The following AGGF1 variants were observed in gnomAD, a reference collection of about 807,000 sequenced individuals.
AGGF1 encodes angiogenic factor with G patch and FHA domains 1.
AGGF1 carries 56 observed loss-of-function variants against 86.5 expected under a neutral mutation model. The ratio of observed to expected loss-of-function variants is 0.65; its 90% CI spans 0.52 to 0.81. The LOEUF (loss-of-function observed/expected upper bound fraction) is 0.81, where lower values mean the gene tolerates loss of function less well. Among genes scored for constraint, AGGF1 ranks in the 30% least tolerant of loss-of-function variants. The probability of loss-of-function intolerance (pLI) is 0.00; values close to 1 mark genes in which losing one functional copy is unlikely to be tolerated. For missense variants in AGGF1, 816 were observed against 850.9 expected (o/e 0.96, Z 0.51); for synonymous variants, 313 against 297.1 (o/e 1.05, Z -0.55).
intron 11 of AGGF1, among the ~76,000 whole-genome samples, chr5:77,059,016 G>A (rs1747504753): frequency 6.6e-6 from 1 of 152,134 alleles, no homozygotes; most frequent in Non-Finnish European, 1.5e-5. Flanking sequence ...CAGGGTAAAT[G>A]GGTTTTTTAA....
intron 4 of AGGF1, among the ~76,000 whole-genome samples, chr5:77,038,466 T>G (rs1747004429): frequency 6.6e-6 from 1 of 152,162 alleles, no homozygotes; most frequent in Admixed American, 6.5e-5. Context: ...TTAATAAATT[T>G]TTTTTATATT....
At chr5:77,039,128 A>G (rs1453834170) in intron 4 of AGGF1, among the ~76,000 whole-genome samples, 3 of 152,152 alleles carry the variant, frequency 2.0e-5, no homozygotes, top group East Asian at 1.9e-4. Flanking sequence ...GTCATTAAGA[A>G]TCAGGAGTCT....
At position 77,030,923 on chromosome 5, in the gene AGGF1, A is replaced by T. The variant is rs369800269; in HGVS notation, c.157A>T (p.Thr53Ser). The change falls in exon 1 of 14, where the codon ACA (threonine) becomes TCA (serine). Residue 53 changes from threonine to serine, a missense_variant. This residue lies in a region of AGGF1 where 240 missense variants were observed against 234.4 expected (regional missense o/e 1.02). Coordinates refer to ENST00000312916, the MANE Select transcript of AGGF1 (RefSeq NM_018046.5). Reference protein sequence around the residue: ...VREIEKLLHHTERLYQNAESN... With the variant: ...VREIEKLLHHSERLYQNAESN... ...GGAGATCGAGAAGCTGCTGCATCAC[A>T]CAGAACGGCTGTACCAGAACGCAGA... 6.2e-7 allele frequency: 1 copy of T among 1,613,316 alleles called. No individual in the cohort carries two copies. The highest frequency in any genetic ancestry group is 1.1e-5 in the South Asian group (1 of 91,082).
At chr5:77,057,846 C>T (rs997149002) in intron 11 of AGGF1, among the ~76,000 whole-genome samples, 1 of 152,198 alleles carries the variant, frequency 6.6e-6, no homozygotes, top group Non-Finnish European at 1.5e-5. Context: ...GGAACAGAGC[C>T]TGGACTGTTT....
chr5:77,062,261 A>T (rs1440594852), intron 13 of AGGF1, among the ~76,000 whole-genome samples: 1 of 152,186 alleles, frequency 6.6e-6, no homozygotes, highest in East Asian at 1.9e-4. Flanking sequence ...GGTTCGTAGG[A>T]GGTTTAGGTT....
chr5:77,043,837 G>A (rs1480801114), intron 5 of AGGF1, among the ~76,000 whole-genome samples: 1 of 125,646 alleles, frequency 8.0e-6, no homozygotes. Context: ...GTGGTTGCCA[G>A]GCAGAGGGTC....
rs762504873 is a variant in AGGF1, at chr5:77,059,615, G to GAAT, written c.1718_1720dup (p.Asn573dup). The GAAT allele has an allele frequency of 1.2e-6, 2 of 1,601,036 alleles. No individual in the cohort carries two copies. Among genetic ancestry groups the GAAT allele is most frequent in the Admixed American group, 3.3e-5 (2 of 59,964 alleles). Reference sequence around the variant, plus strand: ...TGAATGAATATTTTGTGTTTATTAAGAATACAGAATACGAAGATGAAAAGA... The same window carrying GAAT: ...TGAATGAATATTTTGTGTTTATTAAGAATAATACAGAATACGAAGATGAAAAGA... On this transcript the variant is annotated inframe_insertion and splice_region_variant. Transcript: ENST00000312916.
At chr5:77,046,976 G>T (rs1747267462) in intron 6 of AGGF1, among the ~76,000 whole-genome samples, 1 of 152,166 alleles carries the variant, frequency 6.6e-6, no homozygotes, top group African/African-American at 2.4e-5. Context: ...GTTTTAGTGG[G>T]TTAGATATTT....
Position 77,063,743 on chromosome 5 carries a change from A to G in AGGF1, c.*491A>G, listed in dbSNP as rs1407102665. 2 of 163,642 alleles carry G rather than the reference A, an allele frequency of 1.2e-5. No homozygotes were observed. Among genetic ancestry groups the G allele is most frequent in the Non-Finnish European group, 2.7e-5 (2 of 74,838 alleles). 10.1% of individuals were successfully genotyped at this position (163,642 alleles called of 1,614,324 possible). A position where few individuals can be genotyped will look rare whatever the true frequency, so the allele number is the denominator to read the frequency against. ...TGGGTAGTGGCGCATACATTTTGTT[A>G]TCCTTGAAATAGCCTAAGTAATGTT... is the stretch of plus-strand genomic sequence containing the variant. On this transcript the variant is annotated 3_prime_UTR_variant, in exon 14 of 14. Transcript: ENST00000312916.
rs376750442 is a variant in AGGF1 at position 77,034,643 on chromosome 5, G to A, written c.313+123G>A. The A allele has an allele frequency of 1.4e-3, 1,060 of 736,986 alleles. 7 individuals are homozygous for A. The highest frequency in any genetic ancestry group is 0.013 in the African/African-American group (738 of 57,128). The allele number at this position is 736,986 out of a possible 1,614,324, so 45.7% of individuals were successfully genotyped here. A position where few individuals can be genotyped will look rare whatever the true frequency, so the allele number is the denominator to read the frequency against. On this transcript the variant is annotated intron_variant, in intron 2 of 13. Coordinates refer to ENST00000312916, the MANE Select transcript of AGGF1 (RefSeq NM_018046.5). Reference sequence around the variant, plus strand: ...AATGAGAATTGTTAATACTGTTGACGTCTCTCCATATGATAATGGTATTTT... The same window carrying A: ...AATGAGAATTGTTAATACTGTTGACATCTCTCCATATGATAATGGTATTTT...
chr5:77,037,690 C>T (rs573440654), intron 4 of AGGF1, among the ~76,000 whole-genome samples: 2 of 152,130 alleles, frequency 1.3e-5, no homozygotes, highest in South Asian at 2.1e-4. Flanking sequence ...GTGGGAGCGT[C>T]GCTTGAGCTG....
Position 77,042,243 on chromosome 5 carries a change from T to C in AGGF1, c.870+2524T>C, listed in dbSNP as rs1464461791. On this transcript the variant is annotated intron_variant, in intron 5 of 13. Coordinates refer to ENST00000312916, the MANE Select transcript of AGGF1 (RefSeq NM_018046.5). ...ACAGACACGGCAACCATCCGATTTC[T>C]CAATCTTTTCCCCACCTTTCCCGCC... 5.3e-5 allele frequency among the ~76,000 whole-genome samples: 8 copies of C among 151,216 alleles called. No homozygotes were observed. In the East Asian group the frequency reaches 1.6e-3, roughly 30 times the overall value.
chr5:77,043,846 T>G (rs1248274179), intron 5 of AGGF1, among the ~76,000 whole-genome samples: 2 of 105,874 alleles, frequency 1.9e-5, no homozygotes, highest in Non-Finnish European at 2.0e-5. Flanking sequence ...AGGCAGAGGG[T>G]CTCCTCACTT....
At chr5:77,058,471 C>T (rs776521692) in intron 11 of AGGF1, among the ~76,000 whole-genome samples, 1 of 151,966 alleles carries the variant, frequency 6.6e-6, no homozygotes, top group Non-Finnish European at 1.5e-5. Flanking sequence ...TGCTGTTTTA[C>T]TTAGGTAGAG....
At chr5:77,038,096 T>G in intron 4 of AGGF1, among the ~76,000 whole-genome samples, 1 of 152,180 alleles carries the variant, frequency 6.6e-6, no homozygotes, top group East Asian at 1.9e-4. Flanking sequence ...CTAGAGAACA[T>G]AAGATAATAC....
chr5:77,041,288 C>T lies in AGGF1; in HGVS notation c.870+1569C>T, dbSNP rs1057281282. Among the ~76,000 whole-genome samples, 24 of 152,102 alleles carry T rather than the reference C, an allele frequency of 1.6e-4. No homozygotes were observed. The East Asian group carries it at 3.5e-3, about 22-fold the overall frequency. On this transcript the variant is annotated intron_variant, in intron 5 of 13. Coordinates refer to ENST00000312916, the MANE Select transcript of AGGF1 (RefSeq NM_018046.5). Reference sequence around the variant, plus strand: ...TTGTTTGAAAGGCTAGGTTGTAGGTCGGGTGTGATGGCTTATGCCTGTAAT... The same window carrying T: ...TTGTTTGAAAGGCTAGGTTGTAGGTTGGGTGTGATGGCTTATGCCTGTAAT...
intron 5 of AGGF1, among the ~76,000 whole-genome samples, chr5:77,044,403 A>G (rs945025404): frequency 1.3e-5 from 2 of 152,154 alleles, no homozygotes; most frequent in East Asian, 3.8e-4. Context: ...TGTTTTCTTT[A>G]TTTTTAAAGA....
chr5:77,053,807 G>T (rs1446977272), intron 9 of AGGF1, among the ~76,000 whole-genome samples, 158 bp from the exon 10 acceptor site: 1 of 152,016 alleles, frequency 6.6e-6, no homozygotes, highest in Non-Finnish European at 1.5e-5. Context: ...TCATTAAGTT[G>T]GGGAAGTGTG....
In AGGF1 at chr5:77,046,415, C is replaced by A. The variant is rs139798328; in HGVS notation, c.939C>A (p.Phe313Leu). 1.2e-6 allele frequency: 2 copies of A among 1,613,902 alleles called. No individual in the cohort carries two copies. The highest frequency in any genetic ancestry group is 8.5e-7 in the Non-Finnish European group (1 of 1,179,962). Residue 313 changes from phenylalanine to leucine, a missense_variant, in exon 6 of 14, where the codon TTC (phenylalanine) becomes TTA (leucine). This residue lies in a region of AGGF1 where 565 missense variants were observed against 585.8 expected (regional missense o/e 0.96). Coordinates refer to ENST00000312916, the MANE Select transcript of AGGF1 (RefSeq NM_018046.5). ...CAAGCTGCAATGAGGAAGAAAATTT[C>A]GCAAATATGAAAAAGAAGGCCAAAA... ...EHTSCNEEEN[F>L]ANMKKKAKIG...
Sources: allele counts gnomAD v4.1 joint callset (sites outside exome capture counted in the v4.1 genomes callset), GRCh38; gene constraint gnomAD v4.1.1; regional missense constraint gnomAD v4.1.1; transcripts MANE v1.5; gene names NCBI Gene and HGNC (gene_info 2026-07-23, HGNC 2026-07-21).